The following ATG10 variants were observed in gnomAD, a reference collection of about 807,000 sequenced individuals.
ATG10 encodes autophagy related 10, also known as ubiquitin-like-conjugating enzyme ATG10.
In ATG10, 30 loss-of-function variants were observed where a neutral mutation model predicts 32.1. That is an observed-to-expected ratio of 0.94 (90% CI 0.70 to 1.27). The LOEUF is 1.27. Ranked by LOEUF, ATG10 falls within the 50% of genes most tolerant of loss-of-function variation. The pLI, the probability that ATG10 is intolerant of heterozygous loss-of-function variation, is 0.00. For synonymous variants in ATG10, 87 were observed against 91.5 expected (o/e 0.95, Z 0.28); for missense variants, 233 against 262.3 (o/e 0.89, Z 0.77).
intron 3 of ATG10, among the ~76,000 whole-genome samples, chr5:82,129,746 C>T (rs1435134273): frequency 6.6e-6 from 1 of 152,070 alleles, no homozygotes; most frequent in East Asian, 1.9e-4. Flanking sequence ...CTGCCAGATG[C>T]CAGCTGAAGC....
chr5:82,168,046 A>G (rs1279906312), intron 4 of ATG10, among the ~76,000 whole-genome samples: 1 of 151,988 alleles, frequency 6.6e-6, no homozygotes, highest in Admixed American at 6.6e-5. Flanking sequence ...CCCACAAAGC[A>G]TTGACATCTT....
intron 6 of ATG10, 74 bp from the exon 7 acceptor site, chr5:82,253,240 A>G: frequency 1.0e-6 from 1 of 978,426 alleles, no homozygotes. Flanking sequence ...GTTGGTGACC[A>G]ACTGATGTTC....
chr5:82,068,648 A>G (rs1294618239), intron 3 of ATG10, among the ~76,000 whole-genome samples: 1 of 149,062 alleles, frequency 6.7e-6, no homozygotes, highest in Non-Finnish European at 1.5e-5. Flanking sequence ...ATTTCTGAGG[A>G]AGATATGTTG....
intron 2 of ATG10, among the ~76,000 whole-genome samples, chr5:81,995,061 C>G (rs1190214904): frequency 2.6e-5 from 4 of 152,230 alleles, no homozygotes; most frequent in Non-Finnish European, 1.5e-5. Context: ...TGTATAATCT[C>G]GAATTTCACC....
chr5:82,192,059 T>C (rs754583793), intron 5 of ATG10, among the ~76,000 whole-genome samples: 3 of 152,218 alleles, frequency 2.0e-5, no homozygotes, highest in Non-Finnish European at 2.9e-5. Flanking sequence ...TGGAAACTGC[T>C]CTTGTCAGAA....
Position 82,067,620 on chromosome 5 carries a change from C to T in ATG10, c.216+9018C>T, listed in dbSNP as rs568504745. Among the ~76,000 whole-genome samples, 8 of 152,196 alleles carry T rather than the reference C, an allele frequency of 5.3e-5. No homozygotes were observed. In the South Asian group the frequency reaches 1.7e-3, roughly 32 times the overall value. ...TGCAAAATTCAGAGTGTGTTAGGTT[C>T]AGTAAGAGTCTGTAACCTAAATGGC... On this transcript the variant is annotated intron_variant, in intron 3 of 7. Coordinates refer to ENST00000282185, the MANE Select transcript of ATG10 (RefSeq NM_031482.5).
chr5:82,062,306 A>T (rs1763810750), intron 3 of ATG10, among the ~76,000 whole-genome samples: 1 of 151,938 alleles, frequency 6.6e-6, no homozygotes, highest in Admixed American at 6.6e-5. Flanking sequence ...CTTCCAGTCA[A>T]CTCCAGTGTT....
At chr5:82,089,653 G>A (rs975076996) in intron 3 of ATG10, among the ~76,000 whole-genome samples, 2 of 151,866 alleles carry the variant, frequency 1.3e-5, no homozygotes, top group Non-Finnish European at 2.9e-5. Context: ...CTTTTAGGAA[G>A]AGAAAAAAAT....
intron 3 of ATG10, among the ~76,000 whole-genome samples, chr5:82,137,736 G>A (rs759941939): frequency 2.6e-5 from 4 of 152,194 alleles, no homozygotes; most frequent in Admixed American, 6.5e-5. Flanking sequence ...AGCAGAGCTC[G>A]AGTGCTGTGC....
At chr5:82,010,098 A>G in intron 2 of ATG10, 8 of 1,600,258 alleles carry the variant, frequency 5.0e-6, no homozygotes, top group Non-Finnish European at 6.9e-6. Flanking sequence ...GACCATGGCT[A>G]ATAGTACACA....
intron 2 of ATG10, among the ~76,000 whole-genome samples, chr5:82,022,509 A>G (rs1320162659): frequency 6.6e-6 from 1 of 151,466 alleles, no homozygotes; most frequent in Non-Finnish European, 1.5e-5. Context: ...TATTTTGAGT[A>G]GAGATGAAGT....
At chr5:82,194,108 C>A (rs541248181) in intron 5 of ATG10, among the ~76,000 whole-genome samples, 2 of 152,082 alleles carry the variant, frequency 1.3e-5, no homozygotes, top group African/African-American at 4.8e-5. Flanking sequence ...AACTAACTTG[C>A]GTTTCATACT....
intron 2 of ATG10, among the ~76,000 whole-genome samples, chr5:82,028,198 A>G (rs1032797675): frequency 2.6e-5 from 4 of 152,246 alleles, no homozygotes; most frequent in Non-Finnish European, 5.9e-5. Context: ...TAAAGATAGC[A>G]TTAATCCAGA....
intron 5 of ATG10, among the ~76,000 whole-genome samples, chr5:82,225,893 C>G (rs1030140284): frequency 1.3e-5 from 2 of 152,190 alleles, no homozygotes; most frequent in Admixed American, 1.3e-4. Flanking sequence ...ATACTAACTT[C>G]TAGCTATGAC....
At chr5:82,058,939 C>G (rs997700792) in intron 3 of ATG10, among the ~76,000 whole-genome samples, 1 of 152,110 alleles carries the variant, frequency 6.6e-6, no homozygotes, top group Non-Finnish European at 1.5e-5. Context: ...CTTTTGGTTT[C>G]TCTTGGACCT....
chr5:82,083,320 C>T (rs577862628), intron 3 of ATG10, among the ~76,000 whole-genome samples: 46 of 152,314 alleles, frequency 3.0e-4, no homozygotes, highest in African/African-American at 9.9e-4. Context: ...CGTAGGTAAA[C>T]AAAGTGGCCG....
chr5:82,127,853 G>C (rs761577844), intron 3 of ATG10, among the ~76,000 whole-genome samples: 2 of 152,168 alleles, frequency 1.3e-5, no homozygotes, highest in Non-Finnish European at 1.5e-5. Flanking sequence ...TTTCTGTCTT[G>C]TTGATCTATC....
rs554367112 is a variant in ATG10, at chr5:82,030,911, C to T, written c.109-27584C>T. Among the ~76,000 whole-genome samples the T allele has an allele frequency of 2.0e-5, 3 of 152,172 alleles. No homozygotes were observed. In the South Asian group the frequency reaches 6.2e-4, roughly 32 times the overall value. ...CTACATTTAGGTTTTTATTTTTATTCATGATAGGTATCATCTCATTTTTGC... is the reference window on the plus strand; with the variant it reads ...CTACATTTAGGTTTTTATTTTTATTTATGATAGGTATCATCTCATTTTTGC... On this transcript the variant is annotated intron_variant, in intron 2 of 7. Coordinates refer to ENST00000282185, the MANE Select transcript of ATG10 (RefSeq NM_031482.5).
At chr5:82,186,155 T>C (rs1334753518) in intron 5 of ATG10, among the ~76,000 whole-genome samples, 2 of 152,232 alleles carry the variant, frequency 1.3e-5, no homozygotes, top group Admixed American at 1.3e-4. Flanking sequence ...CAGCTTCCTT[T>C]GCAGGCTTCC....
Sources: allele counts gnomAD v4.1 joint callset (sites outside exome capture counted in the v4.1 genomes callset), GRCh38; gene constraint gnomAD v4.1.1; transcripts MANE v1.5; gene names NCBI Gene and HGNC (gene_info 2026-07-23, HGNC 2026-07-21).